The following ENOX1 variants were observed in gnomAD, a reference collection of about 807,000 sequenced individuals.
The protein encoded by ENOX1 is candidate growth-related and time keeping constitutive hydroquinone (NADH) oxidase.
Under a neutral mutation model 82.5 loss-of-function variants are expected in ENOX1, and 42 were observed. The ratio of observed to expected loss-of-function variants is 0.51; its 90% confidence interval spans 0.40 to 0.66. The LOEUF (loss-of-function observed/expected upper bound fraction) is 0.66. Among genes scored for constraint, ENOX1 ranks in the 30% least tolerant of loss-of-function variants. The probability of loss-of-function intolerance (pLI) is 0.00; values close to 1 mark genes in which losing one functional copy is unlikely to be tolerated. For missense variants in ENOX1, 608 were observed against 811.6 expected, an observed-to-expected ratio of 0.75 and a Z score of 3.05; for synonymous variants, 271 against 282.2, an observed-to-expected ratio of 0.96 and a Z score of 0.40.
At chr13:43,761,580 G>A (rs1181759633) in intron 1 of ENOX1, among the ~76,000 whole-genome samples, 3 of 152,234 alleles carry the variant, frequency 2.0e-5, no homozygotes, top group East Asian at 1.9e-4. Context: ...TTTTCAGCAT[G>A]AGACTAGATT....
At chr13:43,520,072 C>T (rs1481130426) in intron 2 of ENOX1, among the ~76,000 whole-genome samples, 2 of 152,172 alleles carry the variant, frequency 1.3e-5, no homozygotes, top group Non-Finnish European at 2.9e-5. Context: ...TTCCCAGAAC[C>T]TAGCAAAGTG....
intron 11 of ENOX1, among the ~76,000 whole-genome samples, chr13:43,305,931 G>T (rs1334671003): frequency 6.6e-6 from 1 of 152,200 alleles, no homozygotes; most frequent in East Asian, 1.9e-4. Flanking sequence ...GCCGGGGACA[G>T]GGCAGGGAAG....
At position 43,419,699 on chromosome 13, in the gene ENOX1, C is replaced by T. The variant is rs537050192; in HGVS notation, c.-74-6711G>A. Among the ~76,000 whole-genome samples the T allele has an allele frequency of 1.5e-3, 225 of 152,254 alleles. 2 individuals are homozygous for T. The highest frequency in any genetic ancestry group is 5.0e-3 in the African/African-American group (208 of 41,542). ...TAAACAGTTGATACCAGGCCAGGCA[C>T]GGTGGCTCATGCCTGTAATGCCAGC... On this transcript the variant is annotated intron_variant, in intron 3 of 16. Transcript: ENST00000690772.
Position 43,447,970 on chromosome 13 carries a change from C to T in ENOX1, c.-74-34982G>A, listed in dbSNP as rs919822585. On this transcript the variant is annotated intron_variant, in intron 3 of 16. Coordinates refer to ENST00000690772, the MANE Select transcript of ENOX1 (RefSeq NM_001347969.2). The stretch of plus-strand genomic sequence containing the variant: ...AGATATAGAAATGTTTAGTCCTAGC[C>T]GTGGTTCCTGACAATCATCTTCAGA... Among the ~76,000 whole-genome samples the T allele has an allele frequency of 7.2e-5, 11 of 152,150 alleles. No homozygotes were observed. The South Asian group carries it at 8.3e-4, about 11-fold the overall frequency.
At chr13:43,400,951 C>A (rs1029485598) in intron 5 of ENOX1, among the ~76,000 whole-genome samples, 9 of 152,168 alleles carry the variant, frequency 5.9e-5, no homozygotes, top group African/African-American at 1.9e-4. Context: ...GTTATCAATT[C>A]CAGCACTGTT....
intron 3 of ENOX1, among the ~76,000 whole-genome samples, chr13:43,441,906 G>C (rs1397586019): frequency 6.6e-6 from 1 of 151,886 alleles, no homozygotes; most frequent in Non-Finnish European, 1.5e-5. Flanking sequence ...GTTGGTGTTT[G>C]AAATAAAATT....
intron 1 of ENOX1, among the ~76,000 whole-genome samples, chr13:43,739,763 G>A (rs952408096): frequency 7.3e-5 from 11 of 151,634 alleles, no homozygotes; most frequent in African/African-American, 1.5e-4. Flanking sequence ...TGTGATATAC[G>A]GTTAACCCTT....
chr13:43,400,182 C>T (rs1348308454), intron 5 of ENOX1, among the ~76,000 whole-genome samples: 2 of 152,114 alleles, frequency 1.3e-5, no homozygotes, highest in African/African-American at 4.8e-5. Flanking sequence ...CAAAGAGTGT[C>T]CAGACATTTT....
Position 43,387,889 on chromosome 13 carries a change from T to C in ENOX1, c.208+24027A>G, listed in dbSNP as rs184897784. 2.5e-3 allele frequency among the ~76,000 whole-genome samples: 387 copies of C among 152,262 alleles called. 1 individual carries two copies. The highest frequency in any genetic ancestry group is 8.9e-3 in the African/African-American group (370 of 41,540). On this transcript the variant is annotated intron_variant, in intron 5 of 16. Transcript: ENST00000690772. ...ACAAGGATTCATACTAGAGAATCAG[T>C]GGCATAGAAATTGCAGTATAGGAGG...
At chr13:43,459,558 C>T (rs1010503879) in intron 3 of ENOX1, 7 of 152,076 alleles carry the variant, frequency 4.6e-5, no homozygotes, top group Non-Finnish European at 7.4e-5. Flanking sequence ...GGGTACTATG[C>T]TAAACGTCAC....
At chr13:43,443,726 T>C (rs540301472) in intron 3 of ENOX1, among the ~76,000 whole-genome samples, 1 of 152,138 alleles carries the variant, frequency 6.6e-6, no homozygotes, top group South Asian at 2.1e-4. Flanking sequence ...AACCTGCATG[T>C]AGGGAGAGTG....
chr13:43,651,992 A>C (rs1457235272), intron 2 of ENOX1, among the ~76,000 whole-genome samples: 5 of 146,674 alleles, frequency 3.4e-5, no homozygotes, highest in Non-Finnish European at 1.5e-5. Context: ...AAAAAAAAAA[A>C]AACTTCACTT....
chr13:43,417,125 G>A (rs1262894738), intron 3 of ENOX1, among the ~76,000 whole-genome samples: 1 of 152,156 alleles, frequency 6.6e-6, no homozygotes, highest in Non-Finnish European at 1.5e-5. Context: ...AGGAGAATCA[G>A]GGGAGCCCGA....
At position 43,528,443 on chromosome 13, in the gene ENOX1, C is replaced by G. The variant is rs2078074143; in HGVS notation, c.-218-44291G>C. Among the ~76,000 whole-genome samples, 4 of 152,050 alleles carry G rather than the reference C, an allele frequency of 2.6e-5. 1 individual carries two copies. The highest frequency in any genetic ancestry group is 2.6e-4 in the Admixed American group (4 of 15,250). Reference sequence around the variant, plus strand: ...ACTATCTTCCAAAAAGCCTTCACTACATTATTATAATCTCACCAAAAGCAC... The same window carrying G: ...ACTATCTTCCAAAAAGCCTTCACTAGATTATTATAATCTCACCAAAAGCAC... On this transcript the variant is annotated intron_variant, in intron 2 of 16. Transcript: ENST00000690772.
intron 1 of ENOX1, among the ~76,000 whole-genome samples, chr13:43,764,918 T>A (rs2153836315): frequency 6.6e-6 from 1 of 152,354 alleles, no homozygotes; most frequent in South Asian, 2.1e-4. Context: ...GTGAGCCCTC[T>A]AAACTAGGGC....
At chr13:43,491,063 G>A (rs1222035898) in intron 2 of ENOX1, among the ~76,000 whole-genome samples, 1 of 152,122 alleles carries the variant, frequency 6.6e-6, no homozygotes, top group Non-Finnish European at 1.5e-5. Context: ...AGCCTATACA[G>A]GAAGCATGGC....
At chr13:43,630,089 C>T (rs1004034710) in intron 2 of ENOX1, among the ~76,000 whole-genome samples, 4 of 152,170 alleles carry the variant, frequency 2.6e-5, no homozygotes, top group African/African-American at 9.7e-5. Context: ...GGACTATTCC[C>T]TAATCCCACC....
intron 14 of ENOX1, among the ~76,000 whole-genome samples, chr13:43,243,893 A>G (rs1189968263): frequency 6.6e-6 from 1 of 151,814 alleles, no homozygotes; most frequent in Non-Finnish European, 1.5e-5. Context: ...TCCTACTTAC[A>G]TTTTACACAC....
chr13:43,672,239 TG>T (rs1566744676), intron 1 of ENOX1, among the ~76,000 whole-genome samples: 1 of 152,194 alleles, frequency 6.6e-6, no homozygotes, highest in African/African-American at 2.4e-5. Context: ...CTAGGATATA[TG>T]TATTTTAGTG....
Sources: allele counts gnomAD v4.1 joint callset (sites outside exome capture counted in the v4.1 genomes callset), GRCh38; gene constraint gnomAD v4.1.1; transcripts MANE v1.5; gene names NCBI Gene and HGNC (gene_info 2026-07-23, HGNC 2026-07-21).